Variants in NCOR1 observed in about 807,000 individuals in gnomAD.
The protein encoded by NCOR1 is nuclear receptor corepressor 1.
In NCOR1, 63 loss-of-function variants were observed where a neutral mutation model predicts 288.1. The observed-to-expected ratio is 0.22, with a 90% confidence interval of 0.18 to 0.27. The LOEUF (loss-of-function observed/expected upper bound fraction) is 0.27, where lower values mean the gene tolerates loss of function less well. Among genes scored for constraint, NCOR1 ranks in the 10% least tolerant of loss-of-function variants. The probability of loss-of-function intolerance (pLI) is 1.00; values close to 1 mark genes in which losing one functional copy is unlikely to be tolerated. For synonymous variants in NCOR1, 1,007 were observed against 1,065.9 expected, an observed-to-expected ratio of 0.94 and a Z score of 1.08; for missense variants, 2,397 against 3,019.2, an observed-to-expected ratio of 0.79 and a Z score of 4.83.
In NCOR1 at chr17:16,203,780, C is replaced by A. The variant is rs114841213; in HGVS notation, c.-70-9141G>T. Among the ~76,000 whole-genome samples the A allele has an allele frequency of 4.1e-3, 623 of 152,188 alleles. 7 individuals carry two copies. The highest frequency in any genetic ancestry group is 0.014 in the African/African-American group (601 of 41,520). On this transcript the variant is annotated intron_variant, in intron 1 of 45. Coordinates refer to ENST00000268712, the MANE Select transcript of NCOR1 (RefSeq NM_006311.4). ...TACGAATATACGAGACTTATCTGTACAGGACTTATTTGAAGCAAAGTGTGA... is the reference window on the plus strand; with the variant it reads ...TACGAATATACGAGACTTATCTGTAAAGGACTTATTTGAAGCAAAGTGTGA...
intron 1 of NCOR1, among the ~76,000 whole-genome samples, chr17:16,212,880 T>C (rs2092262855): frequency 6.6e-6 from 1 of 151,726 alleles, no homozygotes. Flanking sequence ...GAGACCAGCC[T>C]AGACAACATG....
Position 16,153,402 on chromosome 17 carries a change from A to G in NCOR1, c.733-7T>C, listed in dbSNP as rs1202513434. The G allele has an allele frequency of 3.2e-6, 5 of 1,576,706 alleles. No individual in the cohort carries two copies. Among genetic ancestry groups the G allele is most frequent in the Middle Eastern group, 1.7e-4 (1 of 5,954 alleles). On this transcript the variant is annotated splice_region_variant and splice_polypyrimidine_tract_variant and intron_variant, in intron 6 of 45. Coordinates refer to ENST00000268712, the MANE Select transcript of NCOR1 (RefSeq NM_006311.4). ...GAGCTTCTTCTGCTTTTTTCTAGAG[A>G]TAAAGACATTGTTGTATCATATAAT...
chr17:16,198,607 TC>T (rs2090275871), intron 1 of NCOR1: 1 of 151,376 alleles, frequency 6.6e-6, no homozygotes, highest in Admixed American at 6.6e-5. Flanking sequence ...ATGCCTGTAA[TC>T]CCAGCTACTC....
intron 42 of NCOR1, among the ~76,000 whole-genome samples, chr17:16,046,465 GC>G (rs142590842): frequency 9.2e-5 from 14 of 152,310 alleles, no homozygotes; most frequent in Non-Finnish European, 1.8e-4. Flanking sequence ...CTAGTGAAAG[GC>G]TAGGTTAAAT....
intron 14 of NCOR1, among the ~76,000 whole-genome samples, chr17:16,132,791 CT>C (rs34110444): frequency 0.014 from 1,859 of 130,032 alleles, 22 homozygotes; most frequent in East Asian, 0.051. Context: ...GCAAACTACA[CT>C]TTTTTTTTTT....
chr17:16,201,056 G>C (rs975775445), intron 1 of NCOR1, among the ~76,000 whole-genome samples: 1 of 151,972 alleles, frequency 6.6e-6, no homozygotes, highest in East Asian at 1.9e-4. Flanking sequence ...CTTCCCTTTG[G>C]GGGGAAAAAA....
intron 3 of NCOR1, among the ~76,000 whole-genome samples, chr17:16,182,968 C>A (rs2085805549): frequency 6.6e-6 from 1 of 151,778 alleles, no homozygotes; most frequent in Non-Finnish European, 1.5e-5. Context: ...AAAAAGCATT[C>A]AAAAAGTCCA....
rs746171790 is a variant in NCOR1 at position 16,062,267 on chromosome 17, G to A, written c.5225C>T (p.Ser1742Leu). Residue 1742 changes from serine (S) to leucine (L), a missense_variant, in exon 36 of 46, where the codon TCA (serine) becomes TTA (leucine). Around this residue, in one of 11 missense-constraint regions of NCOR1, gnomAD observed 1,872 missense variants for 2,187.8 expected, o/e 0.86. Transcript: ENST00000268712. ...ACTGCCAGGTCGGCCAGGCTGTTCTGAGCCTGCAGAGGTGAAAAAGAGAAA... is the reference window on the plus strand; with the variant it reads ...ACTGCCAGGTCGGCCAGGCTGTTCTAAGCCTGCAGAGGTGAAAAAGAGAAA... Reference protein sequence around the residue: ...ASSDLYLRPGSEQPGRPGSHG... With the variant: ...ASSDLYLRPGLEQPGRPGSHG... 1.3e-6 allele frequency: 2 copies of A among 1,594,790 alleles called. No individual in the cohort carries two copies. Among genetic ancestry groups the A allele is most frequent in the East Asian group, 2.2e-5 (1 of 44,630 alleles).
chr17:16,054,871 A>G (rs12945463), intron 40 of NCOR1, among the ~76,000 whole-genome samples: 87,867 of 151,998 alleles, frequency 0.58, 25,993 homozygotes, highest in African/African-American at 0.66. Context: ...GGTGGAGGTT[A>G]CAGTGAGCTA....
intron 45 of NCOR1, among the ~76,000 whole-genome samples, chr17:16,032,744 G>A (rs1323246314): frequency 1.3e-5 from 2 of 152,220 alleles, no homozygotes; most frequent in Non-Finnish European, 2.9e-5. Context: ...AGAAGAGAAA[G>A]CCCAGGCTAG....
chr17:16,070,593 G>C, intron 30 of NCOR1, 68 bp from the exon 31 acceptor site: 3 of 1,559,044 alleles, frequency 1.9e-6, no homozygotes, highest in Non-Finnish European at 2.6e-6. Context: ...TCAGGTCTAT[G>C]TCTGGCCCAT....
At chr17:16,080,333 A>G in intron 25 of NCOR1, 75 bp downstream of exon 25, 1 of 1,208,228 alleles carries the variant, frequency 8.3e-7, no homozygotes, top group East Asian at 2.6e-5. Context: ...CCATCATTAA[A>G]ATATATTAAT....
chr17:16,181,207 ATGTATG>A (rs1297781076), intron 3 of NCOR1, among the ~76,000 whole-genome samples: 4 of 85,812 alleles, frequency 4.7e-5, no homozygotes, highest in East Asian at 5.5e-4. Context: ...ATACATATAT[ATGTATG>A]TGTGTGTGTG....
At chr17:16,069,616 C>T (rs1430914310) in intron 31 of NCOR1, among the ~76,000 whole-genome samples, 5 of 152,126 alleles carry the variant, frequency 3.3e-5, no homozygotes, top group African/African-American at 9.7e-5. Context: ...TCACATTTAT[C>T]GAGCCCTTCG....
intron 18 of NCOR1, among the ~76,000 whole-genome samples, chr17:16,117,406 A>T (rs1313186582): frequency 1.3e-5 from 2 of 152,092 alleles, no homozygotes; most frequent in Non-Finnish European, 2.9e-5. Flanking sequence ...ATAAATAGAG[A>T]AACAGCTAGC....
chr17:16,063,809 T>C (rs573320592), intron 35 of NCOR1, among the ~76,000 whole-genome samples: 1 of 152,288 alleles, frequency 6.6e-6, no homozygotes, highest in African/African-American at 2.4e-5. Flanking sequence ...GTGACCAATA[T>C]CTTCAGGCCC....
chr17:16,158,077 G>T (rs1343871975), intron 6 of NCOR1, among the ~76,000 whole-genome samples: 1 of 151,700 alleles, frequency 6.6e-6, no homozygotes, highest in Non-Finnish European at 1.5e-5. Context: ...AGGTTCAACC[G>T]ATTCTCCTGC....
rs1243308175 is a variant in NCOR1 at position 16,092,682 on chromosome 17, TATATATATATATA to T, written c.2821-637_2821-625del. ...ATATATATATATATATATATATATATATATATATATATATTTTTTTTTTTTTTTTTTTTTAAGA... is the reference window on the plus strand; with the variant it reads ...ATATATATATATATATATATATATATTTTTTTTTTTTTTTTTTTTTTAAGA... On this transcript the variant is annotated intron_variant, in intron 21 of 45. Transcript: ENST00000268712. Among the ~76,000 whole-genome samples the T allele has an allele frequency of 8.6e-3, 181 of 20,946 alleles. 4 individuals carry two copies. Among genetic ancestry groups the T allele is most frequent in the African/African-American group, 0.025 (101 of 4,046 alleles). The allele number at this position is 20,946 out of a possible 152,430, so 13.7% of individuals were successfully genotyped here.
chr17:16,134,625 GA>G (rs1303477305), intron 14 of NCOR1, among the ~76,000 whole-genome samples: 1 of 151,950 alleles, frequency 6.6e-6, no homozygotes. Context: ...ACAACTTTAG[GA>G]AAGAAACGAC....
Sources: allele counts gnomAD v4.1 joint callset (sites outside exome capture counted in the v4.1 genomes callset), GRCh38; gene constraint gnomAD v4.1.1; regional missense constraint gnomAD v4.1.1; transcripts MANE v1.5; gene names NCBI Gene and HGNC (gene_info 2026-07-23, HGNC 2026-07-21).